AKR1C2: variants seen among roughly 807,000 people sequenced by gnomAD.
AKR1C2 encodes the protein aldo-keto reductase family 1 member C2, also known as 3-alpha-HSD3.
Under a neutral mutation model 39.8 loss-of-function variants are expected in AKR1C2, and 27 were observed. That is an observed-to-expected ratio of 0.68 (90% CI 0.50 to 0.93). AKR1C2 has a LOEUF of 0.93. Among genes scored for constraint, AKR1C2 ranks in the 40% least tolerant of loss-of-function variants. The pLI, the probability that AKR1C2 is intolerant of heterozygous loss-of-function variation, is 0.00. For missense variants in AKR1C2, 263 were observed against 365.1 expected, an observed-to-expected ratio of 0.72 and a Z score of 2.28; for synonymous variants, 114 against 137.9, an observed-to-expected ratio of 0.83 and a Z score of 1.22.
chr10:4,990,306 C>G (rs1468941959), intron 8 of AKR1C2, among the ~76,000 whole-genome samples: 5 of 152,162 alleles, frequency 3.3e-5, no homozygotes, highest in African/African-American at 1.2e-4. Context: ...TTCTCTACAT[C>G]TCTCAACAAC....
chr10:5,005,534 A>AG (rs1163290179), upstream of AKR1C2, among the ~76,000 whole-genome samples: 2 of 151,260 alleles, frequency 1.3e-5, no homozygotes, highest in African/African-American at 4.9e-5. Context: ...CCAAAAAAAA[A>AG]TAGATGGACG....
chr10:5,014,262 C>G lies in AKR1C2; in HGVS notation c.-88+3638G>C, dbSNP rs562461337. On this transcript the variant is annotated intron_variant, in intron 1 of 6. Coordinates refer to the AKR1C2 transcript ENST00000604507. ...CCAAATACCTGAGACATGCCCCAGT[C>G]AATTTAGAAATTTATTTTTCCAAAG... Among the ~76,000 whole-genome samples, 113 of 152,014 alleles carry G rather than the reference C, an allele frequency of 7.4e-4. 2 individuals are homozygous for G. The highest frequency in any genetic ancestry group is 2.5e-3 in the African/African-American group (102 of 41,482).
upstream of AKR1C2, among the ~76,000 whole-genome samples, chr10:5,006,867 C>T (rs1325172854): frequency 5.9e-5 from 9 of 151,624 alleles, no homozygotes; most frequent in South Asian, 2.1e-4. Flanking sequence ...CTCTTTCTCC[C>T]GGTTCAAGCA....
rs1199192827 is a variant in AKR1C2 at position 5,001,698 on chromosome 10, A to G, written c.85-17T>C. ...TTTAGGAACCTGGGGGAGCAACCAA[A>G]CGTAATATTTTCTGACTAATGTGCC... is the stretch of plus-strand genomic sequence containing the variant. On this transcript the variant is annotated splice_polypyrimidine_tract_variant and intron_variant, in intron 1 of 8. Transcript: ENST00000380753. The G allele has an allele frequency of 1.2e-6, 2 of 1,613,106 alleles. No individual in the cohort carries two copies. The highest frequency in any genetic ancestry group is 1.7e-6 in the Non-Finnish European group (2 of 1,179,574).
chr10:5,000,784 T>G (rs1263134141), intron 2 of AKR1C2, 118 bp from the exon 3 acceptor site: 54 of 814,862 alleles, frequency 6.6e-5, no homozygotes, highest in African/African-American at 5.0e-4. Context: ...ACAGGCAAAA[T>G]TATTCTCTCT....
upstream of AKR1C2, chr10:5,004,144 G>A (rs1554774179): frequency 1.7e-5 from 4 of 233,088 alleles, no homozygotes; most frequent in Admixed American, 1.0e-4. Flanking sequence ...AGAACAAATT[G>A]TGACTTTACA....
At chr10:4,992,963 T>C (rs1308433233) in intron 7 of AKR1C2, among the ~76,000 whole-genome samples, 2 of 151,976 alleles carry the variant, frequency 1.3e-5, no homozygotes, top group Non-Finnish European at 2.9e-5. Flanking sequence ...AAAAAAATGA[T>C]CAGTAATGGA....
upstream of AKR1C2, among the ~76,000 whole-genome samples, chr10:5,005,643 A>T (rs572526366): frequency 7.2e-5 from 11 of 152,320 alleles, no homozygotes; most frequent in Middle Eastern, 3.4e-3. Context: ...AGATGGCACC[A>T]CTGCACTCCA....
intron 1 of AKR1C2, 29 bp from the exon 2 acceptor site, chr10:5,001,710 C>T (rs569879732): frequency 6.2e-7 from 1 of 1,612,930 alleles, no homozygotes; most frequent in African/African-American, 1.3e-5. Context: ...GTAATATTTT[C>T]TGACTAATGT....
At chr10:5,015,357 T>A (rs1554775253) in intron 1 of AKR1C2, 1 of 152,200 alleles carries the variant, frequency 6.6e-6, no homozygotes, top group African/African-American at 2.4e-5. Context: ...AACATTATTC[T>A]CCAGTATAAA....
chr10:5,013,362 C>A (rs782417910), intron 1 of AKR1C2: 1 of 152,194 alleles, frequency 6.6e-6, no homozygotes, highest in Non-Finnish European at 1.5e-5. Context: ...ATACACATAA[C>A]CGTGTCATGG....
chr10:5,010,248 C>G (rs71477891), intron 1 of AKR1C2: 2 of 151,766 alleles, frequency 1.3e-5, no homozygotes, highest in South Asian at 2.1e-4. Flanking sequence ...CTGCCCATCT[C>G]CATGCTCCCC....
At chr10:5,001,736 CG>C in intron 1 of AKR1C2, 55 bp from the exon 2 acceptor site, 1 of 1,607,382 alleles carries the variant, frequency 6.2e-7, no homozygotes, top group Non-Finnish European at 8.5e-7. Context: ...AGAGTTAGTT[CG>C]GGCACAAGCA....
rs545992738 is a variant in AKR1C2 at position 5,014,093 on chromosome 10, C to T, written c.-88+3807G>A. 2.6e-5 allele frequency among the ~76,000 whole-genome samples: 4 copies of T among 152,272 alleles called. No individual in the cohort carries two copies. The East Asian group carries it at 7.7e-4, about 29-fold the overall frequency. ...TTGTAGACACTAAACTCTGTTTATC[C>T]TTTCATTTGCTGATGCTCACTTGCA... On this transcript the variant is annotated intron_variant, in intron 1 of 6. Transcript: ENST00000604507.
chr10:5,012,407 A>G (rs1937852), intron 1 of AKR1C2, among the ~76,000 whole-genome samples: 48,299 of 148,988 alleles, frequency 0.32, 8,741 homozygotes, highest in Non-Finnish European at 0.41. Context: ...AGATAGAAGC[A>G]TTTCCTGAAT....
At position 4,998,637 on chromosome 10, in the gene AKR1C2, A is replaced by G; in HGVS notation, c.558T>C (p.Pro186=). 3 of 1,614,132 alleles carry G rather than the reference A, an allele frequency of 1.9e-6. No individual in the cohort carries two copies. The highest frequency in any genetic ancestry group is 2.5e-6 in the Non-Finnish European group (3 of 1,179,998). The change falls in exon 5 of 9, where the codon CCT becomes CCC. Residue 186 remains proline, a synonymous_variant. Transcript: ENST00000380753. ...ILNKPGLKYK[P]VCNQVECHPY... ...TGAGGGCGCTCACCTGGTTGCAGAC[A>G]GGCTTGTACTTGAGCCCTGGCTTGT...
intron 8 of AKR1C2, among the ~76,000 whole-genome samples, chr10:4,990,317 A>T (rs1485666093): frequency 5.3e-5 from 8 of 151,644 alleles, no homozygotes; most frequent in Admixed American, 2.0e-4. Flanking sequence ...TCTCAACAAC[A>T]GATCCCACAT....
At chr10:5,013,444 A>G (rs1214005617) in intron 1 of AKR1C2, 1 of 160,476 alleles carries the variant, frequency 6.2e-6, no homozygotes, top group Non-Finnish European at 1.4e-5. Flanking sequence ...AATGTAAGGA[A>G]GTATGTGAAG....
rs1406803597 is a variant in AKR1C2, at chr10:5,009,440, T to C, written c.-87-5518A>G. Reference sequence around the variant, plus strand: ...AGCAGCTTGCACACCTTGCGACCACTCCTAGATAGGTCAACAAGCAGGGGA... The same window carrying C: ...AGCAGCTTGCACACCTTGCGACCACCCCTAGATAGGTCAACAAGCAGGGGA... On this transcript the variant is annotated intron_variant, in intron 1 of 6. Coordinates refer to the AKR1C2 transcript ENST00000604507. Among the ~76,000 whole-genome samples, 18 of 152,168 alleles carry C rather than the reference T, an allele frequency of 1.2e-4. No individual in the cohort carries two copies. In the East Asian group the frequency reaches 3.1e-3, roughly 26 times the overall value.
Sources: gnomAD v4.1 joint callset for allele counts (sites outside exome capture counted in the v4.1 genomes callset) on GRCh38, gnomAD v4.1.1 for gene constraint, MANE v1.5 for transcripts, NCBI Gene and HGNC (gene_info 2026-07-23, HGNC 2026-07-21) for gene names.